Variants in LRRC2 observed in about 807,000 individuals in gnomAD.
LRRC2 encodes the protein leucine rich repeat containing 2, also known as leucine-rich repeat-containing protein 2.
In LRRC2, 27 loss-of-function variants were observed where a neutral mutation model predicts 40.2. That is an observed-to-expected ratio of 0.67 (90% CI 0.49 to 0.93). The LOEUF (loss-of-function observed/expected upper bound fraction) is 0.93. Ranked by LOEUF, LRRC2 falls within the 40% of genes least tolerant of loss-of-function variation. LRRC2 has a pLI of 0.00. For synonymous variants in LRRC2, 147 were observed against 158.9 expected (o/e 0.92, Z 0.56); for missense variants, 402 against 439.6 (o/e 0.91, Z 0.76).
chr3:46,560,101 A>G lies in LRRC2; in HGVS notation c.-20+6076T>C, dbSNP rs570622140. ...CAGCCCTTGGCATCCCATGTAGGAC[A>G]GAGATAAGTCCAGACCTCTCTAGAC... is the stretch of plus-strand genomic sequence containing the variant. On this transcript the variant is annotated intron_variant, in intron 1 of 8. Coordinates refer to ENST00000395905, the MANE Select transcript of LRRC2 (RefSeq NM_024512.5). Among the ~76,000 whole-genome samples the G allele has an allele frequency of 3.3e-5, 5 of 152,320 alleles. No homozygotes were observed. In the East Asian group the frequency reaches 9.6e-4, roughly 29 times the overall value.
intron 2 of LRRC2, among the ~76,000 whole-genome samples, chr3:46,549,238 C>G (rs951324112): frequency 7.4e-4 from 113 of 152,272 alleles, no homozygotes; most frequent in African/African-American, 2.5e-3. Flanking sequence ...CTTTTATAAT[C>G]AGGCAGGCAT....
intron 4 of LRRC2, among the ~76,000 whole-genome samples, chr3:46,535,017 T>C (rs923246639): frequency 8.5e-5 from 13 of 152,218 alleles, no homozygotes; most frequent in African/African-American, 3.1e-4. Context: ...TGAACTAATA[T>C]ATTTTCATTT....
chr3:46,552,053 AG>A (rs1704668799), intron 1 of LRRC2, among the ~76,000 whole-genome samples: 1 of 152,084 alleles, frequency 6.6e-6, no homozygotes, highest in South Asian at 2.1e-4. Context: ...AAGGTTTGGT[AG>A]TACTTTGTGT....
chr3:46,524,954 A>G (rs1704029778), intron 7 of LRRC2, among the ~76,000 whole-genome samples: 3 of 152,142 alleles, frequency 2.0e-5, no homozygotes, highest in Admixed American at 2.0e-4. Context: ...GCTTATGAAA[A>G]TTCCTATATC....
At chr3:46,519,886 A>G (rs566219084) in intron 8 of LRRC2, among the ~76,000 whole-genome samples, 82 of 152,236 alleles carry the variant, frequency 5.4e-4, no homozygotes, top group Non-Finnish European at 9.7e-4. Flanking sequence ...CAAATTTTTT[A>G]AAATTCAGAG....
Position 46,521,625 on chromosome 3 carries a change from A to T in LRRC2, c.963T>A (p.Asn321Lys). Residue 321 changes from asparagine (N) to lysine (K), a missense_variant, in exon 8 of 9, where the codon AAT becomes AAA. Transcript: ENST00000395905. Reference sequence around the variant, plus strand: ...TTTCATTGCCATCTTCACATTGGGCATTATCAATAGGATTGTCCATAAGGC... The same window carrying T: ...TTTCATTGCCATCTTCACATTGGGCTTTATCAATAGGATTGTCCATAAGGC... ...FVSLMDNPID[N>K]AQCEDGNEIM... 1.2e-6 allele frequency: 2 copies of T among 1,613,040 alleles called. No homozygotes were observed. The highest frequency in any genetic ancestry group is 1.1e-5 in the South Asian group (1 of 91,068).
At chr3:46,524,488 A>G (rs1704022084) in intron 7 of LRRC2, among the ~76,000 whole-genome samples, 1 of 152,070 alleles carries the variant, frequency 6.6e-6, no homozygotes, top group Non-Finnish European at 1.5e-5. Context: ...CCTGTACCGA[A>G]ATTTCTGGCC....
intron 7 of LRRC2, among the ~76,000 whole-genome samples, chr3:46,523,885 A>AT (rs1291591920): frequency 7.9e-5 from 12 of 151,838 alleles, no homozygotes; most frequent in Non-Finnish European, 2.9e-5. Context: ...CGGACATCTC[A>AT]TTTTTTTTGA....
chr3:46,532,582 G>A (rs1229929984), intron 5 of LRRC2, among the ~76,000 whole-genome samples, 191 bp downstream of exon 5: 1 of 151,096 alleles, frequency 6.6e-6, no homozygotes, highest in African/African-American at 2.4e-5. Flanking sequence ...TGCAGCCTGG[G>A]TGACAGAGCA....
At chr3:46,531,526 G>A (rs935506027) in intron 5 of LRRC2, among the ~76,000 whole-genome samples, 1 of 152,170 alleles carries the variant, frequency 6.6e-6, no homozygotes, top group Non-Finnish European at 1.5e-5. Flanking sequence ...AATATATTCT[G>A]GAGGGCATGC....
At chr3:46,542,662 A>C (rs1432387791) in intron 3 of LRRC2, among the ~76,000 whole-genome samples, 2 of 152,378 alleles carry the variant, frequency 1.3e-5, no homozygotes, top group East Asian at 3.9e-4. Context: ...ACTTCACAGA[A>C]TTCATCCATT....
intron 8 of LRRC2, among the ~76,000 whole-genome samples, chr3:46,520,892 G>A (rs1249483071): frequency 2.0e-5 from 3 of 152,312 alleles, no homozygotes; most frequent in East Asian, 3.9e-4. Context: ...GCTGTCTTGT[G>A]ATGGAAGGAA....
At chr3:46,542,227 T>TC (rs1380177959) in intron 3 of LRRC2, among the ~76,000 whole-genome samples, 1 of 149,666 alleles carries the variant, frequency 6.7e-6, no homozygotes, top group African/African-American at 2.5e-5. Context: ...CAAGAAAGCA[T>TC]CCCCCCCAAA....
rs987764508 is a variant in LRRC2 at position 46,527,433 on chromosome 3, G to C, written c.922C>G (p.Pro308Ala). ...LPTALCDSST[P>A]LKFVSLMDNP... ...GATTTCCGGGCTACTCACTTTAAAG[G>C]TGTGGATGAGTCACAAAGGGCAGTT... The change falls in exon 7 of 9, where the codon CCT becomes GCT. Residue 308 changes from proline (P) to alanine (A), a missense_variant. Coordinates refer to ENST00000395905, the MANE Select transcript of LRRC2 (RefSeq NM_024512.5). 6.2e-7 allele frequency: 1 copy of C among 1,613,758 alleles called. No homozygotes were observed. Among genetic ancestry groups the C allele is most frequent in the African/African-American group, 1.3e-5 (1 of 74,906 alleles).
chr3:46,535,043 C>A (rs751460633), intron 4 of LRRC2, among the ~76,000 whole-genome samples: 2 of 152,094 alleles, frequency 1.3e-5, no homozygotes, highest in Non-Finnish European at 2.9e-5. Flanking sequence ...CATTTTGCCC[C>A]ACATGTGAAA....
intron 1 of LRRC2, chr3:46,557,377 C>T (rs953092316): frequency 6.6e-6 from 1 of 152,212 alleles, no homozygotes; most frequent in Non-Finnish European, 1.5e-5. Flanking sequence ...ATAAAACGGC[C>T]TCATCCCTAT....
intron 2 of LRRC2, among the ~76,000 whole-genome samples, chr3:46,547,554 G>A (rs2107029771): frequency 6.6e-6 from 1 of 152,108 alleles, no homozygotes; most frequent in Admixed American, 6.6e-5. Flanking sequence ...TACTCAGGAG[G>A]CTGAGCTAGG....
intron 8 of LRRC2, among the ~76,000 whole-genome samples, chr3:46,519,873 G>C (rs572536533): frequency 6.6e-6 from 1 of 152,210 alleles, no homozygotes; most frequent in Non-Finnish European, 1.5e-5. Flanking sequence ...AAAAGAAAAC[G>C]AGCAAATTTT....
Position 46,518,997 on chromosome 3 carries a change from C to G in LRRC2, c.*17G>C. 1 of 1,538,574 alleles carries G rather than the reference C, an allele frequency of 6.5e-7. No individual in the cohort carries two copies. The highest frequency in any genetic ancestry group is 9.0e-7 in the Non-Finnish European group (1 of 1,111,386). ...TAGCTCCAGAGAATAGTGAGATTTG[C>G]AGTCTTCTGATGGATATCAAAGTTG... On this transcript the variant is annotated 3_prime_UTR_variant, in exon 9 of 9. Transcript: ENST00000395905.
Sources: allele counts gnomAD v4.1 joint callset (sites outside exome capture counted in the v4.1 genomes callset), GRCh38; gene constraint gnomAD v4.1.1; transcripts MANE v1.5; gene names NCBI Gene and HGNC (gene_info 2026-07-23, HGNC 2026-07-21).